The following NUDT14 variants were observed in gnomAD, a reference collection of about 807,000 sequenced individuals.
NUDT14 encodes nudix hydrolase 14.
NUDT14 carries 22 observed loss-of-function variants against 17.5 expected under a neutral mutation model. The ratio of observed to expected loss-of-function variants is 1.26; its 90% CI spans 0.90 to 1.80. NUDT14 has a LOEUF of 1.80. NUDT14 is among the 40% of genes most tolerant of loss of function. The pLI is 0.00. For missense variants in NUDT14, 296 were observed against 295.6 expected (o/e 1.00, Z -0.01); for synonymous variants, 129 against 125.8 (o/e 1.03, Z -0.17).
intron 4 of NUDT14, chr14:105,175,895 G>C: frequency 2.5e-6 from 3 of 1,185,560 alleles, no homozygotes; most frequent in Non-Finnish European, 3.2e-6. Context: ...GGAGGCTGTG[G>C]AGGCTGGTGC....
chr14:105,176,799 C>T, intron 3 of NUDT14, 28 bp from the exon 4 acceptor site: 1 of 1,604,676 alleles, frequency 6.2e-7, no homozygotes, highest in Admixed American at 1.7e-5. Context: ...AGACTGTGCT[C>T]ACAGCCACGT....
chr14:105,176,953 C>G lies in NUDT14; in HGVS notation c.190+10G>C. The stretch of plus-strand genomic sequence containing the variant: ...CCTGCAGATCCCCTTCCCACCCCAG[C>G]TGGCCTCACCTGGCCGGAACTGCTT... On this transcript the variant is annotated intron_variant, in intron 3 of 4. Coordinates refer to ENST00000392568, the MANE Select transcript of NUDT14 (RefSeq NM_177533.5). 1 of 1,611,144 alleles carries G rather than the reference C, an allele frequency of 6.2e-7. No homozygotes were observed. Among genetic ancestry groups the G allele is most frequent in the South Asian group, 1.1e-5 (1 of 90,748 alleles).
chr14:105,179,445 C>T (rs1029308221), intron 1 of NUDT14, among the ~76,000 whole-genome samples: 6 of 152,260 alleles, frequency 3.9e-5, no homozygotes, highest in African/African-American at 9.6e-5. Flanking sequence ...ACCACAGCCA[C>T]AGCCCGAACC....
At chr14:105,174,477 A>G (rs1472801089) in intron 4 of NUDT14, among the ~76,000 whole-genome samples, 2 of 152,034 alleles carry the variant, frequency 1.3e-5, no homozygotes, top group African/African-American at 4.8e-5. Context: ...TGTACCCAAC[A>G]TACAGGGGCA....
rs1193363338 is a variant in NUDT14 at position 105,173,332 on chromosome 14, C to G, written c.429-71G>C. On this transcript the variant is annotated intron_variant, in intron 4 of 4. Transcript: ENST00000392568. The surrounding 1 kb of genome is among the most constrained non-coding windows in gnomAD (Gnocchi z 4.7). ...CTGGCCCCCTGGCCCTTCTACCACC[C>G]TCCAACCCACCCTCTCCACTCTGCT... 1 of 1,409,674 alleles carries G rather than the reference C, an allele frequency of 7.1e-7. No homozygotes were observed. The highest frequency in any genetic ancestry group is 1.5e-5 in the African/African-American group (1 of 68,408). 87.3% of individuals were successfully genotyped at this position (1,409,674 alleles called of 1,614,324 possible). A position where few individuals can be genotyped will look rare whatever the true frequency, so the allele number is the denominator to read the frequency against.
intron 4 of NUDT14, chr14:105,175,573 G>C (rs940336426): frequency 4.0e-6 from 1 of 251,374 alleles, no homozygotes; most frequent in Non-Finnish European, 6.3e-6. Flanking sequence ...GGCTAATTTT[G>C]TACTTTTAGC....
At chr14:105,175,881 TG>T in intron 4 of NUDT14, 1 of 1,162,166 alleles carries the variant, frequency 8.6e-7, no homozygotes, top group Non-Finnish European at 1.1e-6. Flanking sequence ...CCCTGGCCTC[TG>T]GAGGAGGCTG....
At chr14:105,180,884 G>A (rs1187760828) in intron 1 of NUDT14, among the ~76,000 whole-genome samples, 2 of 152,150 alleles carry the variant, frequency 1.3e-5, no homozygotes, top group African/African-American at 2.4e-5. Flanking sequence ...GCCCAGCAAT[G>A]CTTCCTTGAA....
rs1390729415 is a variant in NUDT14, at chr14:105,181,100, G to A, written c.81+29C>T. Reference sequence around the variant, plus strand: ...GTCGTGGGCCGGGCCGCCGGCGGGGGCGCGGGGGACGCGGGGGCGCGGGCT... The same window carrying A: ...GTCGTGGGCCGGGCCGCCGGCGGGGACGCGGGGGACGCGGGGGCGCGGGCT... On this transcript the variant is annotated intron_variant, in intron 1 of 4. Coordinates refer to ENST00000392568, the MANE Select transcript of NUDT14 (RefSeq NM_177533.5). This position sits in a 1 kb window ranked among gnomAD's most constrained non-coding sequence, Gnocchi z 5.0. The A allele has an allele frequency of 8.2e-6, 7 of 850,752 alleles. No individual in the cohort carries two copies. The highest frequency in any genetic ancestry group is 3.7e-5 in the African/African-American group (2 of 54,208). 52.7% of individuals were successfully genotyped at this position (850,752 alleles called of 1,614,324 possible). A position where few individuals can be genotyped will look rare whatever the true frequency, so the allele number is the denominator to read the frequency against.
intron 4 of NUDT14, among the ~76,000 whole-genome samples, chr14:105,174,763 C>T (rs1218760530): frequency 6.6e-6 from 1 of 152,120 alleles, no homozygotes; most frequent in Non-Finnish European, 1.5e-5. Flanking sequence ...CCAGGCTGGG[C>T]AACGCCTCCC....
intron 4 of NUDT14, among the ~76,000 whole-genome samples, chr14:105,175,084 C>T (rs987458115): frequency 6.6e-6 from 1 of 152,246 alleles, no homozygotes; most frequent in African/African-American, 2.4e-5. Flanking sequence ...GGCTCCCCAG[C>T]ACCCTCACAA....
At chr14:105,178,605 C>T (rs1204473391) in intron 1 of NUDT14, among the ~76,000 whole-genome samples, 2 of 152,182 alleles carry the variant, frequency 1.3e-5, no homozygotes, top group East Asian at 1.9e-4. Context: ...CCTGGGGTCC[C>T]GCGGGGTCCC....
rs1313387131 is a variant in NUDT14 at position 105,181,265 on chromosome 14, C to T, written c.-56G>A. The T allele has an allele frequency of 2.2e-5, 15 of 678,838 alleles. No individual in the cohort carries two copies. The highest frequency in any genetic ancestry group is 7.9e-5 in the African/African-American group (4 of 50,618). 42.1% of individuals were successfully genotyped at this position (678,838 alleles called of 1,614,324 possible). On this transcript the variant is annotated 5_prime_UTR_variant, in exon 1 of 5. Transcript: ENST00000392568. The surrounding 1 kb of genome is among the most constrained non-coding windows in gnomAD (Gnocchi z 5.0). ...CTCTGCGGGGGCCGACACGGGGCGG[C>T]GCCCTGTCCCGACAGGAGCCTTCGG...
Position 105,181,138 on chromosome 14 carries a change from A to G in NUDT14, c.72T>C (p.His24=). The change falls in exon 1 of 5, where the codon CAT becomes CAC. Residue 24 remains histidine, a synonymous_variant. Coordinates refer to ENST00000392568, the MANE Select transcript of NUDT14 (RefSeq NM_177533.5). This position sits in a 1 kb window ranked among gnomAD's most constrained non-coding sequence, Gnocchi z 5.0. ...ASPYLRPLTL[H]YRQNGAQKSW... ...GGGGGCGCGGGCTCACCTGGCGGTA[A>G]TGCAGCGTGAGCGGCCGCAGGTAGG... 1 of 1,127,464 alleles carries G rather than the reference A, an allele frequency of 8.9e-7. No individual in the cohort carries two copies. Among genetic ancestry groups the G allele is most frequent in the Non-Finnish European group, 1.1e-6 (1 of 916,316 alleles). The allele number at this position is 1,127,464 out of a possible 1,614,324, so 69.8% of individuals were successfully genotyped here.
chr14:105,178,796 C>T (rs1889270210), intron 1 of NUDT14, among the ~76,000 whole-genome samples: 1 of 152,144 alleles, frequency 6.6e-6, no homozygotes, highest in Admixed American at 6.5e-5. Flanking sequence ...GAGGAGGTGA[C>T]GGAAGTGAGG....
intron 1 of NUDT14, among the ~76,000 whole-genome samples, chr14:105,179,655 C>G (rs1889286613): frequency 2.6e-5 from 4 of 152,238 alleles, no homozygotes; most frequent in Non-Finnish European, 5.9e-5. Context: ...AAGCAGGCAT[C>G]CCATATGGCC....
chr14:105,176,017 A>T (rs1034678341), intron 4 of NUDT14: 1 of 1,253,870 alleles, frequency 8.0e-7, no homozygotes, highest in African/African-American at 1.5e-5. Flanking sequence ...TCATACCAAC[A>T]TCTAGTCCTG....
At position 105,173,078 on chromosome 14, in the gene NUDT14, G is replaced by T. The variant is rs143429356; in HGVS notation, c.612C>A (p.Val204=). 92 of 1,547,452 alleles carry T rather than the reference G, an allele frequency of 5.9e-5. No individual in the cohort carries two copies. In the African/African-American group the frequency reaches 1.1e-3, roughly 19 times the overall value. Residue 204 remains valine, a synonymous_variant, in exon 5 of 5, where the codon GTC becomes GTA. Coordinates refer to ENST00000392568, the MANE Select transcript of NUDT14 (RefSeq NM_177533.5). This position sits in a 1 kb window ranked among gnomAD's most constrained non-coding sequence, Gnocchi z 4.7. ...TGAGGAACCATGAGACACCAAAGAT[G>T]ACGCCGAGGGTCTTGGGGATGTCCG... ...DDPDIPKTLG[V]IFGVSWFLSQ...
At position 105,176,580 on chromosome 14, in the gene NUDT14, C is replaced by A. The variant is rs745598362; in HGVS notation, c.382G>T (p.Gly128Cys). 5 of 1,612,612 alleles carry A rather than the reference C, an allele frequency of 3.1e-6. No homozygotes were observed. The African/African-American group carries it at 6.7e-5, about 22-fold the overall frequency. ...VACKEAWEEC[G>C]YHLAPSDLRR... ...AGATCAGAGGGGGCCAAGTGGTAGC[C>A]ACACTCCTCCCAAGCCTCCTTGCAA... The change falls in exon 4 of 5, where the codon GGC becomes TGC. Residue 128 changes from glycine (G) to cysteine (C), a missense_variant. Coordinates refer to ENST00000392568, the MANE Select transcript of NUDT14 (RefSeq NM_177533.5).
Sources: gnomAD v4.1 joint callset for allele counts (sites outside exome capture counted in the v4.1 genomes callset) on GRCh38, gnomAD v4.1.1 for gene constraint, Gnocchi (gnomAD v3.1) non-coding constraint, MANE v1.5 for transcripts, NCBI Gene and HGNC (gene_info 2026-07-23, HGNC 2026-07-21) for gene names.